Variants in GRM3 observed in about 807,000 individuals in gnomAD.
GRM3 encodes glutamate metabotropic receptor 3, also known as metabotropic glutamate receptor 3.
A neutral mutation model predicts 70.5 loss-of-function variants in GRM3; 26 were observed. The observed-to-expected ratio is 0.37, with a 90% confidence interval of 0.27 to 0.51. The LOEUF (loss-of-function observed/expected upper bound fraction) is 0.51. GRM3 is among the 20% of genes least tolerant of loss of function. GRM3 has a pLI of 0.93. For missense variants in GRM3, 859 were observed against 1,123.8 expected, an observed-to-expected ratio of 0.76 and a Z score of 3.37; for synonymous variants, 443 against 434.9, an observed-to-expected ratio of 1.02 and a Z score of -0.23.
At chr7:86,697,239 C>G (rs749740185) in intron 1 of GRM3, among the ~76,000 whole-genome samples, 1 of 150,664 alleles carries the variant, frequency 6.6e-6, no homozygotes, top group Non-Finnish European at 1.5e-5. Context: ...TTGAGAACAT[C>G]TTGAAGAGAG....
chr7:86,708,961 A>G (rs1795127525), intron 1 of GRM3, among the ~76,000 whole-genome samples: 1 of 150,778 alleles, frequency 6.6e-6, no homozygotes, highest in Non-Finnish European at 1.5e-5. Context: ...ACACACACAC[A>G]AACAGAGTTA....
At chr7:86,656,855 A>G (rs802436) in intron 1 of GRM3, among the ~76,000 whole-genome samples, 105,698 of 152,040 alleles carry the variant, frequency 0.7, 37,247 homozygotes, top group East Asian at 0.87. Flanking sequence ...ACAAAATAAT[A>G]TAAGATGTGG....
chr7:86,789,993 T>C (rs1584245974), intron 3 of GRM3, among the ~76,000 whole-genome samples: 2 of 152,302 alleles, frequency 1.3e-5, no homozygotes, highest in Middle Eastern at 3.4e-3. Flanking sequence ...TGCCCAGGTC[T>C]CTAGGCTCAT....
intron 1 of GRM3, among the ~76,000 whole-genome samples, chr7:86,660,156 A>G (rs1057511291): frequency 1.3e-5 from 2 of 152,092 alleles, no homozygotes; most frequent in African/African-American, 4.8e-5. Context: ...CAGGAATACA[A>G]ATCAGAAGAG....
chr7:86,660,921 A>C (rs1234212629), intron 1 of GRM3, among the ~76,000 whole-genome samples: 1 of 152,000 alleles, frequency 6.6e-6, no homozygotes, highest in Admixed American at 6.6e-5. Flanking sequence ...TTGAGCACAC[A>C]TATTAAATTT....
At position 86,839,039 on chromosome 7, in the gene GRM3, T is replaced by G; in HGVS notation, c.1525T>G (p.Cys509Gly). 1 of 1,614,128 alleles carries G rather than the reference T, an allele frequency of 6.2e-7. No individual in the cohort carries two copies. The highest frequency in any genetic ancestry group is 8.5e-7 in the Non-Finnish European group (1 of 1,179,968). Residue 509 changes from cysteine (C) to glycine (G), a missense_variant, in exon 4 of 6, where the codon TGC becomes GGC. Coordinates refer to ENST00000361669, the MANE Select transcript of GRM3 (RefSeq NM_000840.3). The surrounding 1 kb of genome is among the most constrained non-coding windows in gnomAD (Gnocchi z 4.5). ...WSRNSVPTSQ[C>G]SDPCAPNEMK... Reference sequence around the variant, plus strand: ...CCGGAACTCAGTCCCCACTTCCCAGTGCAGCGACCCCTGTGCCCCCAATGA... The same window carrying G: ...CCGGAACTCAGTCCCCACTTCCCAGGGCAGCGACCCCTGTGCCCCCAATGA...
At chr7:86,789,583 C>T (rs1308342693) in intron 3 of GRM3, among the ~76,000 whole-genome samples, 2 of 152,076 alleles carry the variant, frequency 1.3e-5, no homozygotes, top group Admixed American at 1.3e-4. Flanking sequence ...TTTTTTCTAA[C>T]TTGAATATTG....
intron 4 of GRM3, among the ~76,000 whole-genome samples, 169 bp from the exon 5 acceptor site, chr7:86,850,201 C>A (rs940621818): frequency 6.6e-6 from 1 of 152,166 alleles, no homozygotes; most frequent in Admixed American, 6.6e-5. Flanking sequence ...TCCAAGACTA[C>A]CCCAAACATA....
At chr7:86,686,436 G>A (rs73211621) in intron 1 of GRM3, among the ~76,000 whole-genome samples, 2,987 of 152,218 alleles carry the variant, frequency 0.02, 50 homozygotes, top group Non-Finnish European at 0.031. Flanking sequence ...CTCCAAAAAA[G>A]GAAACAATAT....
intron 1 of GRM3, among the ~76,000 whole-genome samples, chr7:86,695,130 A>T (rs1794785296): frequency 6.6e-6 from 1 of 152,208 alleles, no homozygotes; most frequent in Non-Finnish European, 1.5e-5. Context: ...TGATTTATTT[A>T]TCCCTTTCTT....
chr7:86,747,368 T>C (rs1451835771), intron 1 of GRM3, among the ~76,000 whole-genome samples: 1 of 152,084 alleles, frequency 6.6e-6, no homozygotes, highest in East Asian at 1.9e-4. Context: ...CAGAGAAAAT[T>C]GATGAGATTT....
At chr7:86,847,461 T>C (rs965249622) in intron 4 of GRM3, among the ~76,000 whole-genome samples, 1 of 152,180 alleles carries the variant, frequency 6.6e-6, no homozygotes, top group Non-Finnish European at 1.5e-5. Context: ...GAATATGTCA[T>C]GGTGGCAGTT....
At chr7:86,719,257 A>G (rs1202225872) in intron 1 of GRM3, among the ~76,000 whole-genome samples, 1 of 152,062 alleles carries the variant, frequency 6.6e-6, no homozygotes, top group African/African-American at 2.4e-5. Flanking sequence ...AAGTCCCTAA[A>G]TATTTTCAGT....
At chr7:86,741,211 A>C (rs1270863943) in intron 1 of GRM3, among the ~76,000 whole-genome samples, 1 of 152,184 alleles carries the variant, frequency 6.6e-6, no homozygotes, top group Non-Finnish European at 1.5e-5. Flanking sequence ...GAGGCTGAAG[A>C]AGAGACCTGG....
chr7:86,703,042 T>C (rs1794979241), intron 1 of GRM3, among the ~76,000 whole-genome samples: 2 of 151,986 alleles, frequency 1.3e-5, no homozygotes, highest in African/African-American at 4.8e-5. Context: ...TGAGGACACA[T>C]AGTAATGATT....
intron 1 of GRM3, among the ~76,000 whole-genome samples, chr7:86,683,302 A>T (rs1365337518): frequency 2.0e-5 from 3 of 152,174 alleles, no homozygotes; most frequent in Non-Finnish European, 2.9e-5. Context: ...GCAACAGAAC[A>T]TGTAGGAAGA....
intron 1 of GRM3, among the ~76,000 whole-genome samples, chr7:86,746,148 G>A (rs1796096242): frequency 6.6e-6 from 1 of 151,458 alleles, no homozygotes; most frequent in Non-Finnish European, 1.5e-5. Context: ...TTCCTAAGTA[G>A]ATTTTTCTAA....
At chr7:86,774,842 A>C (rs1796846406) in intron 2 of GRM3, among the ~76,000 whole-genome samples, 1 of 152,164 alleles carries the variant, frequency 6.6e-6, no homozygotes. Context: ...CAAATGATCT[A>C]AAATTTGTTC....
At chr7:86,846,118 C>T (rs1318520134) in intron 4 of GRM3, among the ~76,000 whole-genome samples, 1 of 152,118 alleles carries the variant, frequency 6.6e-6, no homozygotes, top group South Asian at 2.1e-4. Flanking sequence ...CTTTGCATAC[C>T]TTTCTCATTC....
Sources: allele counts gnomAD v4.1 joint callset (sites outside exome capture counted in the v4.1 genomes callset), GRCh38; gene constraint gnomAD v4.1.1; non-coding constraint Gnocchi (gnomAD v3.1); transcripts MANE v1.5; gene names NCBI Gene and HGNC (gene_info 2026-07-23, HGNC 2026-07-21).